LRIG3: variants seen among roughly 807,000 people sequenced by gnomAD.
The protein encoded by LRIG3 is leucine rich repeats and immunoglobulin like domains 3, also known as leucine-rich repeats and immunoglobulin-like domains protein 3.
Under a neutral mutation model 114.5 loss-of-function variants are expected in LRIG3, and 76 were observed. That is an observed-to-expected ratio of 0.66 (90% CI 0.55 to 0.80). LRIG3 has a LOEUF of 0.80. Among genes scored for constraint, LRIG3 ranks in the 30% least tolerant of loss-of-function variants. The pLI, the probability that LRIG3 is intolerant of heterozygous loss-of-function variation, is 0.00. For missense variants in LRIG3, 1,239 were observed against 1,382.8 expected, an observed-to-expected ratio of 0.90 and a Z score of 1.65; for synonymous variants, 512 against 519.8, an observed-to-expected ratio of 0.98 and a Z score of 0.20.
chr12:58,874,650 C>A, intron 16 of LRIG3, 77 bp from the exon 17 acceptor site: 1 of 1,557,152 alleles, frequency 6.4e-7, no homozygotes, highest in South Asian at 1.2e-5. Flanking sequence ...TGGCATCTTC[C>A]ATATTTATAG....
chr12:58,900,970 T>C (rs893272503), intron 3 of LRIG3, among the ~76,000 whole-genome samples: 3 of 152,188 alleles, frequency 2.0e-5, no homozygotes, highest in African/African-American at 7.2e-5. Flanking sequence ...TGTGGCCCCG[T>C]GCTGTCGACA....
chr12:58,873,921 A>G (rs1398916030), intron 18 of LRIG3, 134 bp downstream of exon 18: 1 of 1,004,016 alleles, frequency 1.0e-6, no homozygotes, highest in Non-Finnish European at 1.5e-6. Context: ...TACACTAACT[A>G]GTCGGATGTC....
In LRIG3 at chr12:58,877,720, A is replaced by T; in HGVS notation, c.2216T>A (p.Val739Glu). The change falls in exon 15 of 19, where the codon GTA becomes GAA. Residue 739 changes from valine (V) to glutamate (E), a missense_variant. Coordinates refer to ENST00000320743, the MANE Select transcript of LRIG3 (RefSeq NM_153377.5). Reference sequence around the variant, plus strand: ...TGCTGCAAAAAAGTGCCTCTCGGTTACCACCAATGGGCTATCATCTTTGGT... The same window carrying T: ...TGCTGCAAAAAAGTGCCTCTCGGTTTCCACCAATGGGCTATCATCTTTGGT... The part of the protein sequence containing the change: ...NWTKDDSPLV[V>E]TERHFFAAGN... The T allele has an allele frequency of 6.2e-7, 1 of 1,614,208 alleles. No individual in the cohort carries two copies. Among genetic ancestry groups the T allele is most frequent in the Non-Finnish European group, 8.5e-7 (1 of 1,180,040 alleles).
intron 3 of LRIG3, among the ~76,000 whole-genome samples, chr12:58,896,817 T>C (rs1448268511): frequency 6.6e-6 from 1 of 152,234 alleles, no homozygotes; most frequent in Non-Finnish European, 1.5e-5. Context: ...ATTAAATGTA[T>C]GGACTGGTAC....
At chr12:58,896,004 CT>C (rs745614233) in intron 3 of LRIG3, among the ~76,000 whole-genome samples, 37 of 152,296 alleles carry the variant, frequency 2.4e-4, no homozygotes, top group Non-Finnish European at 5.1e-4. Context: ...GCATTTGGTG[CT>C]TCTGATATGG....
At chr12:58,886,474 T>C (rs11172797) in intron 9 of LRIG3, among the ~76,000 whole-genome samples, 5,396 of 151,666 alleles carry the variant, frequency 0.036, 150 homozygotes, top group Non-Finnish European at 0.051. Context: ...CAGTACAACA[T>C]TGAGGATTTC....
At position 58,872,566 on chromosome 12, in the gene LRIG3, T is replaced by C. The variant is rs1870772199; in HGVS notation, c.*6A>G. On this transcript the variant is annotated 3_prime_UTR_variant, in exon 19 of 19. Transcript: ENST00000320743. ...ATGTTAAGCTTTTCCTTTGGTCTCATTCAGTCTATGTGTCCAAGTCATAAG... is the reference window on the plus strand; with the variant it reads ...ATGTTAAGCTTTTCCTTTGGTCTCACTCAGTCTATGTGTCCAAGTCATAAG... The C allele has an allele frequency of 1.2e-6, 2 of 1,604,452 alleles. No individual in the cohort carries two copies. Among genetic ancestry groups the C allele is most frequent in the Non-Finnish European group, 1.7e-6 (2 of 1,174,152 alleles).
intron 1 of LRIG3, among the ~76,000 whole-genome samples, chr12:58,916,047 C>T (rs1029448504): frequency 4.6e-5 from 7 of 152,184 alleles, no homozygotes; most frequent in Admixed American, 4.6e-4. Flanking sequence ...ATATTTAACA[C>T]AGGTGATTCT....
chr12:58,886,283 T>C (rs1038098536), intron 9 of LRIG3, among the ~76,000 whole-genome samples: 5 of 152,054 alleles, frequency 3.3e-5, no homozygotes, highest in Non-Finnish European at 4.4e-5. Flanking sequence ...CTTCCATCCA[T>C]AGGAGTTTGG....
intron 15 of LRIG3, 95 bp from the exon 16 acceptor site, chr12:58,876,698 T>C (rs1870930849): frequency 3.1e-6 from 4 of 1,302,712 alleles, no homozygotes; most frequent in Admixed American, 1.9e-5. Context: ...TTGGCTTCTG[T>C]ATACATCAAA....
rs145132548 is a variant in LRIG3 at position 58,899,076 on chromosome 12, G to A, written c.384-8280C>T. Among the ~76,000 whole-genome samples the A allele has an allele frequency of 1.5e-3, 226 of 152,296 alleles. 4 individuals carry two copies. Among genetic ancestry groups the A allele is most frequent in the African/African-American group, 5.2e-3 (217 of 41,564 alleles). ...AGCACACATCAGGATTGGTGGGCAGGGGCTTCTGGAAGACCAGATTGTTAA... is the reference window on the plus strand; with the variant it reads ...AGCACACATCAGGATTGGTGGGCAGAGGCTTCTGGAAGACCAGATTGTTAA... On this transcript the variant is annotated intron_variant, in intron 3 of 18. Transcript: ENST00000320743.
chr12:58,912,609 G>A (rs1166997512), intron 3 of LRIG3, among the ~76,000 whole-genome samples: 3 of 152,090 alleles, frequency 2.0e-5, no homozygotes, highest in Admixed American at 6.5e-5. Context: ...TCCCCATGCT[G>A]CCCAGATTAC....
chr12:58,875,381 C>T (rs1463685320), intron 16 of LRIG3, among the ~76,000 whole-genome samples: 2 of 152,216 alleles, frequency 1.3e-5, no homozygotes, highest in Non-Finnish European at 2.9e-5. Flanking sequence ...CTCTTTATTT[C>T]TGGCTTGCCA....
Position 58,915,388 on chromosome 12 carries a change from T to A in LRIG3, c.237-1052A>T, listed in dbSNP as rs1400318228. Among the ~76,000 whole-genome samples, 3 of 152,326 alleles carry A rather than the reference T, an allele frequency of 2.0e-5. No individual in the cohort carries two copies. The East Asian group carries it at 5.8e-4, about 29-fold the overall frequency. On this transcript the variant is annotated intron_variant, in intron 1 of 18. Transcript: ENST00000320743. ...GTTGATTGGAGAAAAGCATGAATTA[T>A]TTGTTATATGCATAAGTACACCCCT...
intron 3 of LRIG3, among the ~76,000 whole-genome samples, chr12:58,891,005 T>G (rs540622752): frequency 6.6e-6 from 1 of 152,352 alleles, no homozygotes; most frequent in South Asian, 2.1e-4. Flanking sequence ...AAAACATTCC[T>G]ATATAAATCT....
At chr12:58,893,812 C>T (rs1482715509) in intron 3 of LRIG3, among the ~76,000 whole-genome samples, 1 of 152,316 alleles carries the variant, frequency 6.6e-6, no homozygotes, top group African/African-American at 2.4e-5. Context: ...CTCTCTCTAT[C>T]CCCTCCCCTA....
At chr12:58,916,131 C>G (rs940485701) in intron 1 of LRIG3, among the ~76,000 whole-genome samples, 5 of 152,064 alleles carry the variant, frequency 3.3e-5, no homozygotes, top group Non-Finnish European at 5.9e-5. Context: ...ACAGGGCAAT[C>G]CTGTGAGAGA....
In LRIG3 at chr12:58,878,918, G is replaced by A. The variant is rs1044168304; in HGVS notation, c.1989C>T (p.Ile663=). 15 of 1,613,982 alleles carry A rather than the reference G, an allele frequency of 9.3e-6. No homozygotes were observed. Among genetic ancestry groups the A allele is most frequent in the East Asian group, 2.2e-5 (1 of 44,880 alleles). Reference sequence around the variant, plus strand: ...CAATGTCCTCTATCTTCACATCCACGATAAAGAACACGTCATCCTCGGGCA... The same window carrying A: ...CAATGTCCTCTATCTTCACATCCACAATAAAGAACACGTCATCCTCGGGCA... The part of the protein sequence containing the change: ...HVMPEDDVFF[I]VDVKIEDIGV... Residue 663 remains isoleucine, a synonymous_variant, in exon 14 of 19, where the codon ATC becomes ATT. Coordinates refer to ENST00000320743, the MANE Select transcript of LRIG3 (RefSeq NM_153377.5).
chr12:58,879,010 G>C lies in LRIG3; in HGVS notation c.1897C>G (p.Gln633Glu), dbSNP rs764329501. 6.2e-7 allele frequency: 1 copy of C among 1,614,124 alleles called. No homozygotes were observed. Among genetic ancestry groups the C allele is most frequent in the South Asian group, 1.1e-5 (1 of 91,074 alleles). Reference sequence around the variant, plus strand: ...CCCCCATCCTTCTGCCAGGCTATCTGGGGGGCTGGGTGCCCCACAGCAGCA... The same window carrying C: ...CCCCCATCCTTCTGCCAGGCTATCTCGGGGGCTGGGTGCCCCACAGCAGCA... ...ECAAVGHPAP[Q>E]IAWQKDGGTD... Residue 633 changes from glutamine to glutamate, a missense_variant, in exon 14 of 19, where the codon CAG becomes GAG. By Grantham distance (29) the Gln-to-Glu change is conservative. Coordinates refer to ENST00000320743, the MANE Select transcript of LRIG3 (RefSeq NM_153377.5).
Sources: allele counts gnomAD v4.1 joint callset (sites outside exome capture counted in the v4.1 genomes callset), GRCh38; gene constraint gnomAD v4.1.1; transcripts MANE v1.5; gene names NCBI Gene and HGNC (gene_info 2026-07-23, HGNC 2026-07-21).